NRG3: variants seen among roughly 807,000 people sequenced by gnomAD.
NRG3 encodes neuregulin 3.
Under a neutral mutation model 66.9 loss-of-function variants are expected in NRG3, and 31 were observed. The observed-to-expected ratio is 0.46, with a 90% confidence interval of 0.35 to 0.63. The LOEUF (loss-of-function observed/expected upper bound fraction) is 0.63, where lower values mean the gene tolerates loss of function less well. NRG3 is among the 20% of genes least tolerant of loss of function. The pLI is 0.00. For synonymous variants in NRG3, 393 were observed against 359.4 expected (o/e 1.09, Z -1.06); for missense variants, 910 against 878.9 (o/e 1.04, Z -0.45).
At chr10:82,523,328 A>G (rs1218311104) in intron 2 of NRG3, among the ~76,000 whole-genome samples, 2 of 152,158 alleles carry the variant, frequency 1.3e-5, no homozygotes, top group Non-Finnish European at 2.9e-5. Flanking sequence ...AGTTTGAGGA[A>G]CTGCCAAGTT....
chr10:81,985,768 G>T (rs2060494830), intron 1 of NRG3, among the ~76,000 whole-genome samples: 1 of 152,218 alleles, frequency 6.6e-6, no homozygotes, highest in Admixed American at 6.5e-5. Flanking sequence ...CATATAGCAT[G>T]AATCACCCAC....
chr10:82,610,311 G>A lies in NRG3; in HGVS notation c.954-128266G>A, dbSNP rs939956866. On this transcript the variant is annotated intron_variant, in intron 2 of 8. Coordinates refer to ENST00000372141, the MANE Select transcript of NRG3 (RefSeq NM_001010848.4). Reference sequence around the variant, plus strand: ...TTATATATGCAGAGACCCTCTTGCCGTGTAAAGCAATATTCACACCGGTTT... The same window carrying A: ...TTATATATGCAGAGACCCTCTTGCCATGTAAAGCAATATTCACACCGGTTT... 4.6e-5 allele frequency among the ~76,000 whole-genome samples: 3 copies of A among 65,200 alleles called. No individual in the cohort carries two copies. The South Asian group carries it at 1.1e-3, about 25-fold the overall frequency. The allele number at this position is 65,200 out of a possible 152,430, so 42.8% of individuals were successfully genotyped here.
chr10:82,415,058 C>G (rs1228063468), intron 2 of NRG3, among the ~76,000 whole-genome samples: 1 of 152,176 alleles, frequency 6.6e-6, no homozygotes, highest in Non-Finnish European at 1.5e-5. Context: ...TTTCACCAAA[C>G]AACTGAGCAC....
intron 1 of NRG3, among the ~76,000 whole-genome samples, chr10:82,078,695 A>G (rs1307284059): frequency 3.9e-5 from 6 of 152,236 alleles, no homozygotes; most frequent in African/African-American, 1.2e-4. Flanking sequence ...AACCTTAACA[A>G]TTATTTCTCC....
At chr10:81,998,665 T>C in intron 1 of NRG3, among the ~76,000 whole-genome samples, 1 of 152,234 alleles carries the variant, frequency 6.6e-6, no homozygotes, top group Non-Finnish European at 1.5e-5. Flanking sequence ...ACGTGTGTGA[T>C]AGATAGAGGA....
At chr10:82,439,337 G>C (rs930950504) in intron 2 of NRG3, among the ~76,000 whole-genome samples, 24 of 151,506 alleles carry the variant, frequency 1.6e-4, no homozygotes, top group African/African-American at 5.8e-4. Flanking sequence ...GTTTGTTTGT[G>C]GTTCTTTTAT....
intron 1 of NRG3, among the ~76,000 whole-genome samples, chr10:81,974,269 G>T (rs1054307624): frequency 1.1e-4 from 17 of 151,928 alleles, no homozygotes; most frequent in Non-Finnish European, 2.4e-4. Context: ...TGATCTATGT[G>T]TCTCTTTTTT....
At chr10:82,661,706 C>G (rs967238506) in intron 2 of NRG3, among the ~76,000 whole-genome samples, 1 of 152,006 alleles carries the variant, frequency 6.6e-6, no homozygotes, top group Non-Finnish European at 1.5e-5. Flanking sequence ...ATGTGTGTGG[C>G]GTATTTATGT....
intron 1 of NRG3, among the ~76,000 whole-genome samples, chr10:81,960,106 G>A (rs1589602660): frequency 1.3e-5 from 2 of 152,096 alleles, no homozygotes; most frequent in East Asian, 3.9e-4. Flanking sequence ...GGTTTTGTGG[G>A]ATGGTTGCGG....
At chr10:82,449,177 T>TC (rs1338579310) in intron 2 of NRG3, among the ~76,000 whole-genome samples, 1 of 152,186 alleles carries the variant, frequency 6.6e-6, no homozygotes, top group Admixed American at 6.5e-5. Flanking sequence ...GAACAAGGCT[T>TC]CCAGATGATG....
chr10:82,661,262 A>G (rs186002538), intron 2 of NRG3, among the ~76,000 whole-genome samples: 4 of 152,232 alleles, frequency 2.6e-5, no homozygotes, highest in African/African-American at 9.6e-5. Context: ...TCTCATGGAG[A>G]CTGAATTCTA....
chr10:81,974,839 G>C (rs1392459510), intron 1 of NRG3, among the ~76,000 whole-genome samples: 1 of 152,088 alleles, frequency 6.6e-6, no homozygotes, highest in Non-Finnish European at 1.5e-5. Flanking sequence ...TTACCATGGT[G>C]ACATATATAT....
At chr10:82,393,689 A>G (rs1420113496) in intron 2 of NRG3, among the ~76,000 whole-genome samples, 1 of 152,136 alleles carries the variant, frequency 6.6e-6, no homozygotes, top group Non-Finnish European at 1.5e-5. Flanking sequence ...TCCTACTACC[A>G]AGAGTAGACC....
Position 82,362,546 on chromosome 10 carries a change from G to GTTTTTTTTTTT in NRG3, c.953+3678_953+3679insTTTTTTTTTTT, listed in dbSNP as rs1564840125. Among the ~76,000 whole-genome samples the GTTTTTTTTTTT allele has an allele frequency of 3.7e-4, 34 of 91,282 alleles. 1 individual carries two copies. The highest frequency in any genetic ancestry group is 1.2e-3 in the Admixed American group (9 of 7,446). The allele number at this position is 91,282 out of a possible 152,430, so 59.9% of individuals were successfully genotyped here. ...TCACCACCATGCCCAGATAATTTCT[G>GTTTTTTTTTTT]GGTTTTTTTTTTTTTTTTTTTTTCG... On this transcript the variant is annotated intron_variant, in intron 2 of 8. Transcript: ENST00000372141.
At chr10:82,539,028 G>A (rs752672918) in intron 2 of NRG3, among the ~76,000 whole-genome samples, 3 of 152,228 alleles carry the variant, frequency 2.0e-5, no homozygotes, top group South Asian at 2.1e-4. Context: ...GCTTCATCCC[G>A]CAAGATTGGA....
chr10:82,366,265 C>G lies in NRG3; in HGVS notation c.953+7397C>G, dbSNP rs59523970. Among the ~76,000 whole-genome samples the G allele has an allele frequency of 5.4e-3, 822 of 152,322 alleles. 8 individuals are homozygous for G. The highest frequency in any genetic ancestry group is 0.019 in the African/African-American group (794 of 41,566). On this transcript the variant is annotated intron_variant, in intron 2 of 8. Transcript: ENST00000372141. ...TGTATATATATGATAGCTCTTTCCT[C>G]TCTCCTTTATGCTCATATTGAAGCC...
intron 3 of NRG3, among the ~76,000 whole-genome samples, chr10:82,778,798 T>C (rs935041710): frequency 2.0e-5 from 3 of 152,034 alleles, no homozygotes; most frequent in Non-Finnish European, 4.4e-5. Context: ...AGGCTAAATT[T>C]CCGAGGAGTG....
intron 2 of NRG3, among the ~76,000 whole-genome samples, chr10:82,500,180 G>A (rs946833727): frequency 6.6e-6 from 1 of 152,126 alleles, no homozygotes; most frequent in African/African-American, 2.4e-5. Flanking sequence ...CATAAGTCCT[G>A]AAGTCTCTAT....
At chr10:82,232,680 G>C (rs1407678443) in intron 1 of NRG3, 2 of 707,740 alleles carry the variant, frequency 2.8e-6, no homozygotes, top group East Asian at 5.4e-5. Context: ...CAATCGGCCA[G>C]ATGGGGCTAC....
Sources: allele counts gnomAD v4.1 joint callset (sites outside exome capture counted in the v4.1 genomes callset), GRCh38; gene constraint gnomAD v4.1.1; transcripts MANE v1.5; gene names NCBI Gene and HGNC (gene_info 2026-07-23, HGNC 2026-07-21).